TYW3: variants seen among roughly 807,000 people sequenced by gnomAD.
TYW3 encodes tRNA-yW synthesizing protein 3 homolog.
In TYW3, 26 loss-of-function variants were observed where a neutral mutation model predicts 23.1. The observed-to-expected ratio is 1.13, with a 90% CI of 0.83 to 1.56. The LOEUF (loss-of-function observed/expected upper bound fraction) is 1.56, where lower values mean the gene tolerates loss of function less well. TYW3 is among the 40% of genes most tolerant of loss of function. TYW3 has a pLI of 0.00. For synonymous variants in TYW3, 102 were observed against 105.7 expected (o/e 0.97, Z 0.21); for missense variants, 316 against 311.9 (o/e 1.01, Z -0.10).
In TYW3 at chr1:74,765,103, G is replaced by C. The variant is rs1269179951; in HGVS notation, c.*990G>C. 6.6e-6 allele frequency: 1 copy of C among 152,038 alleles called. No individual in the cohort carries two copies. Among genetic ancestry groups the C allele is most frequent in the African/African-American group, 2.4e-5 (1 of 41,400 alleles). 9.4% of individuals were successfully genotyped at this position (152,038 alleles called of 1,614,324 possible). A position where few individuals can be genotyped will look rare whatever the true frequency, so the allele number is the denominator to read the frequency against. On this transcript the variant is annotated 3_prime_UTR_variant, in exon 6 of 6. Coordinates refer to ENST00000370867, the MANE Select transcript of TYW3 (RefSeq NM_138467.3). ...CCAGAATCTTAATCCTGGAGTCTAG[G>C]AATCTTTATTTTTCACACAACTCAT... is the stretch of plus-strand genomic sequence containing the variant.
chr1:74,748,131 C>T (rs530514553), intron 3 of TYW3, among the ~76,000 whole-genome samples: 3 of 94,800 alleles, frequency 3.2e-5, no homozygotes, highest in Admixed American at 2.7e-4. Context: ...CTTCCTCTTC[C>T]CTTGAGTTGT....
At chr1:74,744,361 A>G (rs997823567) in intron 3 of TYW3, among the ~76,000 whole-genome samples, 16 of 151,556 alleles carry the variant, frequency 1.1e-4, no homozygotes, top group African/African-American at 3.7e-4. Context: ...CAGAGAGAGA[A>G]TATTGGGGCC....
chr1:74,759,695 G>GT (rs1273747271), intron 5 of TYW3, among the ~76,000 whole-genome samples: 3 of 152,114 alleles, frequency 2.0e-5, no homozygotes, highest in Admixed American at 1.3e-4. Flanking sequence ...CCAGGCTGGA[G>GT]TACAGTGGCA....
rs1207560696 is a variant in TYW3, at chr1:74,766,649, A to G, written c.*2536A>G. ...GTTCATTGTGAGCCAAGGTTAATTT[A>G]TTGAAGAAATAAAACATTTTTAATG... is the stretch of plus-strand genomic sequence containing the variant. On this transcript the variant is annotated 3_prime_UTR_variant, in exon 6 of 6. Coordinates refer to ENST00000370867, the MANE Select transcript of TYW3 (RefSeq NM_138467.3). 1 of 152,222 alleles carries G rather than the reference A, an allele frequency of 6.6e-6. No individual in the cohort carries two copies. Among genetic ancestry groups the G allele is most frequent in the Non-Finnish European group, 1.5e-5 (1 of 68,030 alleles). The allele number at this position is 152,222 out of a possible 1,614,324, so 9.4% of individuals were successfully genotyped here. A position where few individuals can be genotyped will look rare whatever the true frequency, so the allele number is the denominator to read the frequency against.
chr1:74,765,648 GT>G lies in TYW3; in HGVS notation c.*1537del, dbSNP rs1317542748. 1.3e-5 allele frequency: 2 copies of G among 151,962 alleles called. No individual in the cohort carries two copies. Among genetic ancestry groups the G allele is most frequent in the Non-Finnish European group, 2.9e-5 (2 of 67,958 alleles). 9.4% of individuals were successfully genotyped at this position (151,962 alleles called of 1,614,324 possible). On this transcript the variant is annotated 3_prime_UTR_variant, in exon 6 of 6. Transcript: ENST00000370867. Reference sequence around the variant, plus strand: ...AGAAGATAAATGAATAAAAAAAAAAGTTATAAATAACAGTAGGAAAGAGAGA... The same window carrying G: ...AGAAGATAAATGAATAAAAAAAAAAGTATAAATAACAGTAGGAAAGAGAGA...
intron 5 of TYW3, among the ~76,000 whole-genome samples, chr1:74,762,298 T>C (rs1649161875): frequency 6.6e-6 from 1 of 152,080 alleles, no homozygotes; most frequent in Non-Finnish European, 1.5e-5. Flanking sequence ...GTTTATTGAA[T>C]CAAACAAAGA....
Position 74,756,202 on chromosome 1 carries a change from T to C in TYW3, c.560+3777T>C, listed in dbSNP as rs183235527. Among the ~76,000 whole-genome samples the C allele has an allele frequency of 2.9e-4, 44 of 152,298 alleles. 1 individual carries two copies. The highest frequency in any genetic ancestry group is 3.4e-3 in the Middle Eastern group (1 of 294). ...CTAATACAGTAAATTGGTACCACTATAGTGGGGCACTGCGGAAAAGATACC... is the reference window on the plus strand; with the variant it reads ...CTAATACAGTAAATTGGTACCACTACAGTGGGGCACTGCGGAAAAGATACC... On this transcript the variant is annotated intron_variant, in intron 5 of 5. Transcript: ENST00000370867.
rs1019715908 is a variant in TYW3 at position 74,765,533 on chromosome 1, A to C, written c.*1420A>C. On this transcript the variant is annotated 3_prime_UTR_variant, in exon 6 of 6. Coordinates refer to ENST00000370867, the MANE Select transcript of TYW3 (RefSeq NM_138467.3). ...GGAAGGAAATTTGGGCAGGAAAGGGAACTCACAGTGTCGGAATGCCTGGAG... is the reference window on the plus strand; with the variant it reads ...GGAAGGAAATTTGGGCAGGAAAGGGCACTCACAGTGTCGGAATGCCTGGAG... The C allele has an allele frequency of 1.3e-5, 2 of 152,148 alleles. No individual in the cohort carries two copies. The highest frequency in any genetic ancestry group is 4.8e-5 in the African/African-American group (2 of 41,438). 9.4% of individuals were successfully genotyped at this position (152,148 alleles called of 1,614,324 possible).
At chr1:74,741,635 C>T (rs1247937829) in intron 3 of TYW3, among the ~76,000 whole-genome samples, 4 of 152,148 alleles carry the variant, frequency 2.6e-5, no homozygotes, top group East Asian at 1.9e-4. Flanking sequence ...TTTAAGGTTT[C>T]GTTGATATTT....
intron 3 of TYW3, among the ~76,000 whole-genome samples, chr1:74,741,361 C>T (rs1025672016): frequency 3.3e-5 from 5 of 152,098 alleles, no homozygotes; most frequent in African/African-American, 1.2e-4. Flanking sequence ...TGTATCGAGG[C>T]TGGTCTGGCT....
intron 1 of TYW3, among the ~76,000 whole-genome samples, chr1:74,733,952 G>A (rs767803573): frequency 1.3e-5 from 2 of 150,856 alleles, no homozygotes; most frequent in Non-Finnish European, 2.9e-5. Context: ...AAGTACGATC[G>A]TATATAATTT....
intron 5 of TYW3, among the ~76,000 whole-genome samples, chr1:74,760,165 A>G (rs1018868554): frequency 6.6e-6 from 1 of 152,200 alleles, no homozygotes; most frequent in Non-Finnish European, 1.5e-5. Flanking sequence ...GATCATCACA[A>G]AAGCCTTTGT....
At chr1:74,733,918 A>AGGGG (rs1648024531) in intron 1 of TYW3, among the ~76,000 whole-genome samples, 2 of 152,012 alleles carry the variant, frequency 1.3e-5, no homozygotes, top group African/African-American at 4.8e-5. Context: ...CATTATTACA[A>AGGGG]CTCTAGTAGT....
chr1:74,744,379 G>A (rs915117908), intron 3 of TYW3, among the ~76,000 whole-genome samples: 12 of 151,806 alleles, frequency 7.9e-5, no homozygotes, highest in Admixed American at 7.9e-4. Flanking sequence ...GCCAAGCTGT[G>A]ATGCAGAAAA....
intron 5 of TYW3, among the ~76,000 whole-genome samples, chr1:74,759,374 C>CTTTTT (rs573044759): frequency 7.4e-5 from 10 of 135,104 alleles, no homozygotes; most frequent in Non-Finnish European, 9.7e-5. Context: ...CTTTTCTTTT[C>CTTTTT]TTTTTTTTTT....
chr1:74,737,849 G>C (rs1234372660), intron 2 of TYW3, among the ~76,000 whole-genome samples: 1 of 152,062 alleles, frequency 6.6e-6, no homozygotes, highest in Non-Finnish European at 1.5e-5. Context: ...GGAGGGAAGA[G>C]ACTACACAAG....
intron 1 of TYW3, among the ~76,000 whole-genome samples, chr1:74,735,091 G>A (rs1459849168): frequency 1.3e-5 from 2 of 152,112 alleles, no homozygotes; most frequent in Non-Finnish European, 2.9e-5. Context: ...TTTTTGCAAT[G>A]GTTCTCTAAC....
chr1:74,765,541 G>T lies in TYW3; in HGVS notation c.*1428G>T, dbSNP rs1237623137. ...ATTTGGGCAGGAAAGGGAACTCACA[G>T]TGTCGGAATGCCTGGAGCATTTCTT... On this transcript the variant is annotated 3_prime_UTR_variant, in exon 6 of 6. Coordinates refer to ENST00000370867, the MANE Select transcript of TYW3 (RefSeq NM_138467.3). The T allele has an allele frequency of 6.6e-6, 1 of 152,142 alleles. No individual in the cohort carries two copies. The highest frequency in any genetic ancestry group is 1.5e-5 in the Non-Finnish European group (1 of 68,006). 9.4% of individuals were successfully genotyped at this position (152,142 alleles called of 1,614,324 possible).
At chr1:74,759,374 C>CTTT (rs573044759) in intron 5 of TYW3, among the ~76,000 whole-genome samples, 1,844 of 135,098 alleles carry the variant, frequency 0.014, 21 homozygotes, top group East Asian at 0.046. Flanking sequence ...CTTTTCTTTT[C>CTTT]TTTTTTTTTT....
Sources: gnomAD v4.1 joint callset for allele counts (sites outside exome capture counted in the v4.1 genomes callset) on GRCh38, gnomAD v4.1.1 for gene constraint, MANE v1.5 for transcripts, NCBI Gene and HGNC (gene_info 2026-07-23, HGNC 2026-07-21) for gene names.